Variants in ZBTB20 observed in about 807,000 individuals in gnomAD.
The protein encoded by ZBTB20 is zinc finger and BTB domain-containing protein 20.
A neutral mutation model predicts 56.9 loss-of-function variants in ZBTB20; 9 were observed. The ratio of observed to expected loss-of-function variants is 0.16; its 90% CI spans 0.10 to 0.28. ZBTB20 has a LOEUF of 0.28. Ranked by LOEUF, ZBTB20 falls within the 10% of genes least tolerant of loss-of-function variation. The pLI is 1.00. For synonymous variants in ZBTB20, 417 were observed against 420.7 expected, an observed-to-expected ratio of 0.99 and a Z score of 0.11; for missense variants, 655 against 1,003.0, an observed-to-expected ratio of 0.65 and a Z score of 4.69.
chr3:114,954,090 C>T (rs1407927216), intron 3 of ZBTB20, among the ~76,000 whole-genome samples: 3 of 152,086 alleles, frequency 2.0e-5, no homozygotes, highest in Non-Finnish European at 4.4e-5. Context: ...GCTGATCTCA[C>T]TGTGAAAGTG....
intron 3 of ZBTB20, among the ~76,000 whole-genome samples, chr3:114,912,096 G>A (rs1162107205): frequency 9.5e-5 from 14 of 147,862 alleles, no homozygotes; most frequent in African/African-American, 3.5e-4. Context: ...TGTAAACCAG[G>A]AGGGAATGGA....
Position 114,945,903 on chromosome 3 carries a change from C to A in ZBTB20, c.-456+28463G>T, listed in dbSNP as rs190199721. Among the ~76,000 whole-genome samples, 64 of 144,804 alleles carry A rather than the reference C, an allele frequency of 4.4e-4. 10 individuals carry two copies. The highest frequency in any genetic ancestry group is 1.3e-3 in the African/African-American group (47 of 35,500). The allele number at this position is 144,804 out of a possible 152,430, so 95.0% of individuals were successfully genotyped here. Reference sequence around the variant, plus strand: ...TATCACTATACATTATAATATCAGTCTAAGTAGAATGAAAAGAAATAGTAC... The same window carrying A: ...TATCACTATACATTATAATATCAGTATAAGTAGAATGAAAAGAAATAGTAC... On this transcript the variant is annotated intron_variant, in intron 3 of 11. Transcript: ENST00000675478.
At chr3:114,475,369 A>G (rs2040626176) in intron 7 of ZBTB20, among the ~76,000 whole-genome samples, 1 of 152,148 alleles carries the variant, frequency 6.6e-6, no homozygotes, top group Admixed American at 6.5e-5. Flanking sequence ...TAATTCTAGC[A>G]AAGTAGACAC....
intron 2 of ZBTB20, among the ~76,000 whole-genome samples, chr3:115,018,341 C>T (rs542704938): frequency 5.5e-4 from 83 of 150,954 alleles, no homozygotes; most frequent in African/African-American, 1.8e-3. Context: ...CAGACTATAA[C>T]GAAAAGTAAT....
intron 3 of ZBTB20, among the ~76,000 whole-genome samples, chr3:114,954,466 C>T (rs146050203): frequency 3.1e-4 from 47 of 152,182 alleles, no homozygotes; most frequent in Middle Eastern, 6.8e-3. Flanking sequence ...CTTCTTATTT[C>T]TATTTTAGTT....
intron 4 of ZBTB20, among the ~76,000 whole-genome samples, chr3:114,854,880 CAA>C (rs1296808601): frequency 1.3e-5 from 2 of 152,108 alleles, no homozygotes; most frequent in African/African-American, 2.4e-5. Context: ...TAAATGTCAC[CAA>C]AGACTCTAGC....
chr3:114,583,200 T>C (rs2054829692), intron 6 of ZBTB20, among the ~76,000 whole-genome samples: 1 of 152,160 alleles, frequency 6.6e-6, no homozygotes, highest in African/African-American at 2.4e-5. Context: ...TTTCTTTCTC[T>C]CACATTGTGG....
chr3:114,870,130 T>C (rs1412111995), intron 4 of ZBTB20, among the ~76,000 whole-genome samples: 1 of 152,108 alleles, frequency 6.6e-6, no homozygotes, highest in Non-Finnish European at 1.5e-5. Flanking sequence ...TGAATAACAA[T>C]GTTGGCTAAT....
At chr3:114,477,967 C>G (rs2041047411) in intron 7 of ZBTB20, among the ~76,000 whole-genome samples, 1 of 128,896 alleles carries the variant, frequency 7.8e-6, no homozygotes, top group Admixed American at 8.2e-5. Context: ...CCCTCCCTCT[C>G]TCTCTCTCTC....
At position 114,336,283 on chromosome 3, in the gene ZBTB20, A is replaced by T. The variant is rs1412451455; in HGVS notation, c.*2722T>A. Reference sequence around the variant, plus strand: ...TTTTCCAAAATATCAAAACAATTCCATGACATAGTTAATTAATGCTCCCTC... The same window carrying T: ...TTTTCCAAAATATCAAAACAATTCCTTGACATAGTTAATTAATGCTCCCTC... On this transcript the variant is annotated 3_prime_UTR_variant, in exon 12 of 12. Coordinates refer to ENST00000675478, the MANE Select transcript of ZBTB20 (RefSeq NM_001348800.3). The T allele has an allele frequency of 6.6e-6, 1 of 152,212 alleles. No homozygotes were observed. The highest frequency in any genetic ancestry group is 1.5e-5 in the Non-Finnish European group (1 of 68,026). 9.4% of individuals were successfully genotyped at this position (152,212 alleles called of 1,614,324 possible). A position where few individuals can be genotyped will look rare whatever the true frequency, so the allele number is the denominator to read the frequency against.
chr3:114,546,517 T>A (rs771686642), intron 6 of ZBTB20, among the ~76,000 whole-genome samples: 5 of 151,676 alleles, frequency 3.3e-5, no homozygotes, highest in Non-Finnish European at 7.4e-5. Context: ...GGGTTATGGA[T>A]ATATGGATAT....
At chr3:114,472,967 C>T (rs969456949) in intron 7 of ZBTB20, among the ~76,000 whole-genome samples, 4 of 152,160 alleles carry the variant, frequency 2.6e-5, no homozygotes, top group Admixed American at 6.5e-5. Context: ...TTTTATTTCA[C>T]GCTAAACCTG....
intron 6 of ZBTB20, among the ~76,000 whole-genome samples, chr3:114,547,301 T>G (rs1399817365): frequency 1.3e-5 from 2 of 152,116 alleles, no homozygotes; most frequent in Non-Finnish European, 2.9e-5. Flanking sequence ...AAAATTGTTT[T>G]GTGAAGATAG....
At chr3:114,600,218 A>G (rs2056654269) in intron 6 of ZBTB20, among the ~76,000 whole-genome samples, 1 of 152,070 alleles carries the variant, frequency 6.6e-6, no homozygotes, top group Admixed American at 6.6e-5. Flanking sequence ...AAGAGCAATT[A>G]CACTATAAAA....
chr3:114,353,818 T>A (rs920122576), intron 10 of ZBTB20, among the ~76,000 whole-genome samples: 2 of 152,218 alleles, frequency 1.3e-5, no homozygotes, highest in African/African-American at 4.8e-5. Flanking sequence ...GGGAAGTAGA[T>A]GATATTATTC....
At chr3:114,489,163 T>G (rs1163977152) in intron 7 of ZBTB20, among the ~76,000 whole-genome samples, 1 of 152,162 alleles carries the variant, frequency 6.6e-6, no homozygotes, top group Non-Finnish European at 1.5e-5. Context: ...AAATGTATAC[T>G]TTTTTAGAAT....
chr3:114,679,885 C>A (rs2061865713), intron 6 of ZBTB20, among the ~76,000 whole-genome samples: 1 of 152,056 alleles, frequency 6.6e-6, no homozygotes, highest in Admixed American at 6.5e-5. Flanking sequence ...TGGAACCGAC[C>A]CAAATGCCCA....
At chr3:115,060,606 G>C (rs1260048337) in intron 2 of ZBTB20, among the ~76,000 whole-genome samples, 6 of 152,008 alleles carry the variant, frequency 3.9e-5, no homozygotes, top group Non-Finnish European at 8.8e-5. Context: ...ATCCCACAGT[G>C]GACAGTAAAT....
At chr3:114,362,104 G>A (rs1421457254) in intron 10 of ZBTB20, among the ~76,000 whole-genome samples, 1 of 152,132 alleles carries the variant, frequency 6.6e-6, no homozygotes, top group Non-Finnish European at 1.5e-5. Context: ...TTGGTGACAG[G>A]GGCCTCAGGT....
Sources: allele counts gnomAD v4.1 joint callset (sites outside exome capture counted in the v4.1 genomes callset), GRCh38; gene constraint gnomAD v4.1.1; transcripts MANE v1.5; gene names NCBI Gene and HGNC (gene_info 2026-07-23, HGNC 2026-07-21).